MN1: variants seen among roughly 807,000 people sequenced by gnomAD.
MN1 encodes the protein transcriptional activator MN1.
Under a neutral mutation model 86.9 loss-of-function variants are expected in MN1, and 19 were observed. The observed-to-expected ratio is 0.22, with a 90% CI of 0.15 to 0.32. The LOEUF is 0.32. Ranked by LOEUF, MN1 falls within the 10% of genes least tolerant of loss-of-function variation. The pLI, the probability that MN1 is intolerant of heterozygous loss-of-function variation, is 1.00. For synonymous variants in MN1, 928 were observed against 849.6 expected, an observed-to-expected ratio of 1.09 and a Z score of -1.60; for missense variants, 1,841 against 1,862.0, an observed-to-expected ratio of 0.99 and a Z score of 0.21.
At chr22:27,759,054 G>T (rs542411036) in intron 1 of MN1, among the ~76,000 whole-genome samples, 9 of 152,064 alleles carry the variant, frequency 5.9e-5, no homozygotes, top group Non-Finnish European at 8.8e-5. Flanking sequence ...TCTCGAACTC[G>T]TGAGCTCAAG....
At chr22:27,775,070 G>C (rs529476227) in intron 1 of MN1, among the ~76,000 whole-genome samples, 2 of 152,364 alleles carry the variant, frequency 1.3e-5, no homozygotes, top group East Asian at 1.9e-4. Context: ...TGGGCAGAAA[G>C]AATGGGGGAT....
At chr22:27,766,784 A>G (rs769133971) in intron 1 of MN1, among the ~76,000 whole-genome samples, 4 of 152,078 alleles carry the variant, frequency 2.6e-5, no homozygotes, top group Non-Finnish European at 5.9e-5. Context: ...AGATCAGAGG[A>G]TTTTGGCCCT....
At chr22:27,791,517 C>T (rs1013120737) in intron 1 of MN1, among the ~76,000 whole-genome samples, 2 of 152,018 alleles carry the variant, frequency 1.3e-5, no homozygotes, top group African/African-American at 4.8e-5. Flanking sequence ...GAACAAGCAG[C>T]GGGTAGTGAG....
intron 1 of MN1, among the ~76,000 whole-genome samples, chr22:27,758,868 CA>C (rs1932817101): frequency 6.6e-6 from 1 of 152,162 alleles, no homozygotes; most frequent in Non-Finnish European, 1.5e-5. Context: ...CTCTATTACC[CA>C]GGTTGGAGTG....
rs893947741 is a variant in MN1 at position 27,750,203 on chromosome 22, A to C, written c.*712T>G. The C allele has an allele frequency of 8.6e-6, 2 of 231,310 alleles. No individual in the cohort carries two copies. Among genetic ancestry groups the C allele is most frequent in the African/African-American group, 4.4e-5 (2 of 45,234 alleles). The allele number at this position is 231,310 out of a possible 1,614,324, so 14.3% of individuals were successfully genotyped here. On this transcript the variant is annotated 3_prime_UTR_variant, in exon 2 of 2. Transcript: ENST00000302326. ...TTCCAGCAGGAGAAGAGAGAACTCA[A>C]GTGGAAGGGAACTGAAGGCTGAGCA...
chr22:27,756,263 G>A (rs1010179306), intron 1 of MN1, among the ~76,000 whole-genome samples: 1 of 152,220 alleles, frequency 6.6e-6, no homozygotes, highest in Non-Finnish European at 1.5e-5. Context: ...AGAGGGGGCC[G>A]AGTTTTCTTT....
At chr22:27,761,844 C>A (rs1932837350) in intron 1 of MN1, among the ~76,000 whole-genome samples, 1 of 152,230 alleles carries the variant, frequency 6.6e-6, no homozygotes, top group Admixed American at 6.5e-5. Flanking sequence ...GTTGACTTGG[C>A]TGAGGGCAGC....
intron 1 of MN1, 30 bp downstream of exon 1, chr22:27,796,733 G>A: frequency 6.4e-7 from 1 of 1,551,976 alleles, no homozygotes; most frequent in South Asian, 1.2e-5. Context: ...GGTCACCCGG[G>A]AAGTGAGAGG....
At chr22:27,790,946 C>T (rs1302939900) in intron 1 of MN1, among the ~76,000 whole-genome samples, 1 of 152,148 alleles carries the variant, frequency 6.6e-6, no homozygotes, top group Non-Finnish European at 1.5e-5. Context: ...CTCATTCAGT[C>T]CTTTACAGAA....
intron 1 of MN1, among the ~76,000 whole-genome samples, chr22:27,757,500 T>C (rs1052314208): frequency 2.0e-5 from 3 of 152,226 alleles, no homozygotes; most frequent in Non-Finnish European, 4.4e-5. Flanking sequence ...TCCGGGCATA[T>C]TTTTAACTCG....
chr22:27,797,346 G>A lies in MN1; in HGVS notation c.3198C>T (p.Pro1066=). Residue 1066 remains proline (P), a synonymous_variant, in exon 1 of 2, where the codon CCC becomes CCT. Transcript: ENST00000302326. ...TCCTGCTCGCTTTAACTAGTGCCTG[G>A]GGGTTGTCAGAGCTGGACGACACCT... The part of the protein sequence containing the change: ...EDEVSSSSDN[P]QALVKASRSP... The A allele has an allele frequency of 6.2e-7, 1 of 1,607,920 alleles. No homozygotes were observed.
intron 1 of MN1, among the ~76,000 whole-genome samples, chr22:27,765,614 C>A (rs1932863717): frequency 6.6e-6 from 1 of 152,240 alleles, no homozygotes; most frequent in South Asian, 2.1e-4. Context: ...TCTGAAAGGA[C>A]AGACTGATGG....
At chr22:27,765,090 A>G (rs1388704285) in intron 1 of MN1, among the ~76,000 whole-genome samples, 2 of 152,346 alleles carry the variant, frequency 1.3e-5, no homozygotes, top group African/African-American at 4.8e-5. Flanking sequence ...TAACCATCAC[A>G]GTATATAACC....
chr22:27,797,465 A>G lies in MN1; in HGVS notation c.3079T>C (p.Ser1027Pro). 1 of 1,601,524 alleles carries G rather than the reference A, an allele frequency of 6.2e-7. No homozygotes were observed. The highest frequency in any genetic ancestry group is 8.5e-7 in the Non-Finnish European group (1 of 1,173,936). ...TCCGACTTGGCCCCGCCGTCCAGGG[A>G]CCCAATGAGGTCCGGCTGATCCCCC... ...LLGDQPDLIGSLDGGAKSDSS... is the reference protein window; with the variant it reads ...LLGDQPDLIGPLDGGAKSDSS... Residue 1027 changes from serine (S) to proline (P), a missense_variant, in exon 1 of 2, where the codon TCC (serine) becomes CCC (proline). Transcript: ENST00000302326.
chr22:27,753,865 T>G (rs1006715156), intron 1 of MN1, among the ~76,000 whole-genome samples: 2 of 152,116 alleles, frequency 1.3e-5, no homozygotes, highest in Non-Finnish European at 2.9e-5. Flanking sequence ...CACCCTACCC[T>G]GCTTAATATC....
In MN1 at chr22:27,748,721, G is replaced by A. The variant is rs1932723707; in HGVS notation, c.*2194C>T. The A allele has an allele frequency of 1.4e-5, 3 of 219,048 alleles. No homozygotes were observed. Among genetic ancestry groups the A allele is most frequent in the Admixed American group, 1.2e-4 (2 of 17,274 alleles). The allele number at this position is 219,048 out of a possible 1,614,324, so 13.6% of individuals were successfully genotyped here. On this transcript the variant is annotated 3_prime_UTR_variant, in exon 2 of 2. Coordinates refer to ENST00000302326, the MANE Select transcript of MN1 (RefSeq NM_002430.3). Reference sequence around the variant, plus strand: ...GTTTCATTCTGGGGTCGTGGGGAGCGAGAAAGTTTTTAAAACTTCAGGGGT... The same window carrying A: ...GTTTCATTCTGGGGTCGTGGGGAGCAAGAAAGTTTTTAAAACTTCAGGGGT...
chr22:27,793,376 C>T (rs1933241608), intron 1 of MN1, among the ~76,000 whole-genome samples: 1 of 144,754 alleles, frequency 6.9e-6, no homozygotes, highest in Admixed American at 6.7e-5. Flanking sequence ...GGGATCATTT[C>T]TATAGTGTGT....
chr22:27,799,224 C>G lies in MN1; in HGVS notation c.1320G>C (p.Gln440His), dbSNP rs1258431608. 1 of 1,598,666 alleles carries G rather than the reference C, an allele frequency of 6.3e-7. No individual in the cohort carries two copies. The highest frequency in any genetic ancestry group is 2.2e-5 in the East Asian group (1 of 44,572). ...QHPPPQQAPN[Q>H]RLQHFDAPPY... ...GGGGCGCGTCGAAATGCTGCAGCCGCTGGTTGGGCGCCTGCTGCGGAGGAG... is the reference window on the plus strand; with the variant it reads ...GGGGCGCGTCGAAATGCTGCAGCCGGTGGTTGGGCGCCTGCTGCGGAGGAG... Residue 440 changes from glutamine (Q) to histidine (H), a missense_variant, in exon 1 of 2, where the codon CAG (glutamine) becomes CAC (histidine). Gln to His is a conservative substitution (Grantham distance 24). Coordinates refer to ENST00000302326, the MANE Select transcript of MN1 (RefSeq NM_002430.3).
At chr22:27,772,128 G>A (rs1360589812) in intron 1 of MN1, among the ~76,000 whole-genome samples, 1 of 152,158 alleles carries the variant, frequency 6.6e-6, no homozygotes, top group East Asian at 1.9e-4. Context: ...CCCTGTCTTG[G>A]GGAGAAATCG....
Sources: allele counts gnomAD v4.1 joint callset (sites outside exome capture counted in the v4.1 genomes callset), GRCh38; gene constraint gnomAD v4.1.1; transcripts MANE v1.5; gene names NCBI Gene and HGNC (gene_info 2026-07-23, HGNC 2026-07-21).